Variants in INPP4B observed in about 807,000 individuals in gnomAD.
INPP4B encodes the protein inositol polyphosphate 4-phosphatase type II.
In INPP4B, 55 loss-of-function variants were observed where a neutral mutation model predicts 122.5. The observed-to-expected ratio is 0.45, with a 90% CI of 0.36 to 0.56. The LOEUF (loss-of-function observed/expected upper bound fraction) is 0.56, where lower values mean the gene tolerates loss of function less well. Ranked by LOEUF, INPP4B falls within the 20% of genes least tolerant of loss-of-function variation. The probability of loss-of-function intolerance (pLI) is 0.00; values close to 1 mark genes in which losing one functional copy is unlikely to be tolerated. For synonymous variants in INPP4B, 403 were observed against 388.7 expected (o/e 1.04, Z -0.43); for missense variants, 1,000 against 1,097.7 (o/e 0.91, Z 1.26).
intron 2 of INPP4B, among the ~76,000 whole-genome samples, chr4:142,682,379 C>T (rs1230509598): frequency 1.3e-5 from 2 of 151,650 alleles, no homozygotes; most frequent in African/African-American, 2.4e-5. Context: ...CTTTAAAAAT[C>T]TAAAGTGTTG....
At chr4:142,257,972 C>A (rs1257555840) in intron 11 of INPP4B, among the ~76,000 whole-genome samples, 1 of 152,130 alleles carries the variant, frequency 6.6e-6, no homozygotes, top group African/African-American at 2.4e-5. Context: ...GCTACAGTAA[C>A]CAAAACAGCA....
chr4:142,812,389 C>T (rs1012602322), intron 1 of INPP4B, among the ~76,000 whole-genome samples: 1 of 152,130 alleles, frequency 6.6e-6, no homozygotes, highest in Non-Finnish European at 1.5e-5. Context: ...ATGACAGATG[C>T]TTCATCATCA....
At chr4:142,111,046 T>A (rs984385324) in intron 22 of INPP4B, among the ~76,000 whole-genome samples, 1 of 152,078 alleles carries the variant, frequency 6.6e-6, no homozygotes, top group African/African-American at 2.4e-5. Context: ...ATCTCAAACA[T>A]TGAATTTGCT....
chr4:142,590,684 T>C (rs1035038412), intron 2 of INPP4B, among the ~76,000 whole-genome samples: 1 of 151,798 alleles, frequency 6.6e-6, no homozygotes, highest in Non-Finnish European at 1.5e-5. Flanking sequence ...CTTAATATTG[T>C]ATATAATATA....
At chr4:142,804,353 A>C (rs1778406187) in intron 1 of INPP4B, among the ~76,000 whole-genome samples, 1 of 152,104 alleles carries the variant, frequency 6.6e-6, no homozygotes, top group African/African-American at 2.4e-5. Flanking sequence ...TATTCTCTCT[A>C]GGTCATACTG....
At chr4:142,496,693 T>C (rs905722596) in intron 2 of INPP4B, among the ~76,000 whole-genome samples, 3 of 152,216 alleles carry the variant, frequency 2.0e-5, no homozygotes, top group Non-Finnish European at 2.9e-5. Context: ...AATGTATTCC[T>C]ATATATTTGG....
intron 18 of INPP4B, among the ~76,000 whole-genome samples, chr4:142,140,300 A>C (rs1291856015): frequency 1.3e-5 from 2 of 152,224 alleles, no homozygotes; most frequent in Non-Finnish European, 2.9e-5. Flanking sequence ...TAGGAAAAAT[A>C]ATTCAATGGC....
chr4:142,642,111 G>A (rs1560906961), intron 2 of INPP4B, among the ~76,000 whole-genome samples: 1 of 152,134 alleles, frequency 6.6e-6, no homozygotes. Flanking sequence ...TGTTGATGGG[G>A]TTGTTTGTTT....
intron 3 of INPP4B, among the ~76,000 whole-genome samples, chr4:142,455,671 C>T (rs1301239569): frequency 1.3e-5 from 2 of 151,932 alleles, no homozygotes; most frequent in African/African-American, 2.4e-5. Context: ...GGTATATATC[C>T]AGCAGTGAGA....
chr4:142,811,622 T>G (rs1779526626), intron 1 of INPP4B, among the ~76,000 whole-genome samples: 1 of 152,228 alleles, frequency 6.6e-6, no homozygotes, highest in Non-Finnish European at 1.5e-5. Flanking sequence ...GACTAACAAT[T>G]TGCATTCCTA....
chr4:142,491,903 C>T (rs1821926973), intron 2 of INPP4B, among the ~76,000 whole-genome samples: 1 of 152,046 alleles, frequency 6.6e-6, no homozygotes, highest in Non-Finnish European at 1.5e-5. Context: ...ATTTTTATAC[C>T]TTTTTATACA....
chr4:142,418,757 C>T (rs1806264722), intron 5 of INPP4B, among the ~76,000 whole-genome samples: 1 of 152,100 alleles, frequency 6.6e-6, no homozygotes, highest in Non-Finnish European at 1.5e-5. Flanking sequence ...CCTTAAGACC[C>T]ATTTTGATTT....
At chr4:142,052,276 A>G (rs2152397233) in intron 25 of INPP4B, among the ~76,000 whole-genome samples, 1 of 152,196 alleles carries the variant, frequency 6.6e-6, no homozygotes, top group South Asian at 2.1e-4. Flanking sequence ...TGTAGAATAA[A>G]TTAACATGCC....
intron 1 of INPP4B, among the ~76,000 whole-genome samples, chr4:142,796,166 T>C (rs960390429): frequency 6.6e-6 from 1 of 151,996 alleles, no homozygotes; most frequent in African/African-American, 2.4e-5. Context: ...CATTTAAACA[T>C]GCTTAAGAGA....
intron 9 of INPP4B, among the ~76,000 whole-genome samples, chr4:142,296,191 C>T (rs575370335): frequency 5.5e-4 from 83 of 152,192 alleles, no homozygotes; most frequent in Admixed American, 3.5e-3. Context: ...ATTTGCAATC[C>T]GACAAATCCA....
At chr4:142,821,408 G>C (rs1163318524) in intron 1 of INPP4B, among the ~76,000 whole-genome samples, 1 of 151,846 alleles carries the variant, frequency 6.6e-6, no homozygotes, top group East Asian at 1.9e-4. Context: ...CTTTTTTGGA[G>C]GACAAAGTTC....
intron 7 of INPP4B, among the ~76,000 whole-genome samples, chr4:142,336,323 G>T (rs182596748): frequency 6.6e-6 from 1 of 152,268 alleles, no homozygotes; most frequent in African/African-American, 2.4e-5. Context: ...AGAAAATACC[G>T]CTGGGGGCCA....
chr4:142,444,717 A>G (rs1047349464), intron 3 of INPP4B, among the ~76,000 whole-genome samples: 10 of 152,298 alleles, frequency 6.6e-5, no homozygotes, highest in Non-Finnish European at 1.5e-4. Flanking sequence ...ATGTATGTTT[A>G]CTGCAGCACT....
chr4:142,280,772 A>C lies in INPP4B; in HGVS notation c.504-9998T>G, dbSNP rs537117593. On this transcript the variant is annotated intron_variant, in intron 9 of 25. Coordinates refer to ENST00000262992, the MANE Select transcript of INPP4B (RefSeq NM_001101669.3). Reference sequence around the variant, plus strand: ...AATCGCACAGCCATTTAGTCTGGGCATACAGAAACCACATTATTAAAATGT... The same window carrying C: ...AATCGCACAGCCATTTAGTCTGGGCCTACAGAAACCACATTATTAAAATGT... Among the ~76,000 whole-genome samples the C allele has an allele frequency of 8.5e-5, 13 of 152,170 alleles. No homozygotes were observed. In the East Asian group the frequency reaches 1.4e-3, roughly 16 times the overall value.
Sources: gnomAD v4.1 joint callset for allele counts (sites outside exome capture counted in the v4.1 genomes callset) on GRCh38, gnomAD v4.1.1 for gene constraint, MANE v1.5 for transcripts, NCBI Gene and HGNC (gene_info 2026-07-23, HGNC 2026-07-21) for gene names.